The following NXPE4 variants were observed in gnomAD, a reference collection of about 807,000 sequenced individuals.
NXPE4 encodes NXPE family member 4.
Under a neutral mutation model 33.3 loss-of-function variants are expected in NXPE4, and 42 were observed. The ratio of observed to expected loss-of-function variants is 1.26; its 90% CI spans 0.98 to 1.63. The LOEUF is 1.63. NXPE4 is among the 40% of genes most tolerant of loss of function. NXPE4 has a pLI of 0.00. For missense variants in NXPE4, 709 were observed against 647.6 expected, an observed-to-expected ratio of 1.09 and a Z score of -1.03; for synonymous variants, 253 against 234.9, an observed-to-expected ratio of 1.08 and a Z score of -0.71.
chr11:114,628,737 G>GT, the NXPE4 span, among the ~76,000 whole-genome samples: 1 of 151,418 alleles, frequency 6.6e-6, no homozygotes, highest in Admixed American at 6.6e-5. Context: ...CCAGGAGCTG[G>GT]TTTTTTGAAA....
In NXPE4 at chr11:114,581,904, C is replaced by G. The variant is rs1591337568; in HGVS notation, c.831-118G>C. ...AGAGATAAGTCAATTATTATGCCTACAGTTTCAGGCCATTTAGTAAATTTC... is the reference window on the plus strand; with the variant it reads ...AGAGATAAGTCAATTATTATGCCTAGAGTTTCAGGCCATTTAGTAAATTTC... On this transcript the variant is annotated intron_variant, in intron 3 of 5. Transcript: ENST00000375478. 10 of 703,794 alleles carry G rather than the reference C, an allele frequency of 1.4e-5. No homozygotes were observed. The East Asian group carries it at 2.7e-4, about 19-fold the overall frequency. 43.6% of individuals were successfully genotyped at this position (703,794 alleles called of 1,614,324 possible).
chr11:114,580,790 C>T (rs1478448413), intron 4 of NXPE4, among the ~76,000 whole-genome samples: 7 of 152,098 alleles, frequency 4.6e-5, no homozygotes, highest in Admixed American at 3.9e-4. Context: ...ATATTAACAA[C>T]TAGTTTGGCT....
chr11:114,648,346 C>A, the NXPE4 span, among the ~76,000 whole-genome samples: 865 of 152,224 alleles, frequency 5.7e-3, 4 homozygotes, highest in Non-Finnish European at 9.6e-3. Context: ...TGGTTCTACT[C>A]TGAAAACAGG....
the NXPE4 span, among the ~76,000 whole-genome samples, chr11:114,631,614 G>A: frequency 1.3e-5 from 2 of 151,892 alleles, no homozygotes; most frequent in Non-Finnish European, 2.9e-5. Context: ...CATGGCACAT[G>A]TATACATATG....
the NXPE4 span, among the ~76,000 whole-genome samples, chr11:114,652,979 T>G: frequency 6.6e-6 from 1 of 152,194 alleles, no homozygotes; most frequent in Non-Finnish European, 1.5e-5. Context: ...AAAAGATGAC[T>G]GTGAGAAGCA....
upstream of NXPE4, among the ~76,000 whole-genome samples, chr11:114,597,899 C>G (rs1398306670): frequency 6.6e-6 from 1 of 152,050 alleles, no homozygotes; most frequent in Non-Finnish European, 1.5e-5. Context: ...TCTCACATTT[C>G]AAAATACAAT....
rs1322421108 is a variant in NXPE4 at position 114,580,189 on chromosome 11, G to C, written c.1042C>G (p.Leu348Val). The C allele has an allele frequency of 6.2e-7, 1 of 1,613,882 alleles. No homozygotes were observed. Among genetic ancestry groups the C allele is most frequent in the Non-Finnish European group, 8.5e-7 (1 of 1,179,932 alleles). ...KECLRGKLIY[L>V]MGDSTIRQWM... ...TGGCGGATCGTGGAATCTCCCATTA[G>C]GTATATGAGTTTTCCTCTCAGGCAT... Residue 348 changes from leucine (L) to valine (V), a missense_variant, in exon 5 of 6, where the codon CTA (leucine) becomes GTA (valine). Transcript: ENST00000375478.
At chr11:114,624,105 T>A in the NXPE4 span, among the ~76,000 whole-genome samples, 61 of 151,536 alleles carry the variant, frequency 4.0e-4, 1 homozygote, top group East Asian at 3.9e-4. Flanking sequence ...ATAGGTTTTA[T>A]GTCGTGGGTA....
chr11:114,633,548 T>G, the NXPE4 span, among the ~76,000 whole-genome samples: 1 of 151,486 alleles, frequency 6.6e-6, no homozygotes, highest in East Asian at 1.9e-4. Context: ...GTGCCATGCT[T>G]GTGTGCTGCA....
At chr11:114,571,890 G>A (rs544793804) in intron 5 of NXPE4, among the ~76,000 whole-genome samples, 1 of 152,350 alleles carries the variant, frequency 6.6e-6, no homozygotes, top group East Asian at 1.9e-4. Context: ...CTGCCTGTAG[G>A]ACAGCAGCTG....
the NXPE4 span, among the ~76,000 whole-genome samples, chr11:114,601,977 TTA>T: frequency 1.1e-5 from 1 of 87,852 alleles, no homozygotes; most frequent in African/African-American, 4.6e-5. Flanking sequence ...ATATATTCTG[TTA>T]TATATAATAT....
At chr11:114,650,794 T>C in the NXPE4 span, among the ~76,000 whole-genome samples, 4 of 152,092 alleles carry the variant, frequency 2.6e-5, no homozygotes, top group African/African-American at 9.6e-5. Flanking sequence ...AAAGACTCTC[T>C]CTAAGTTCCA....
At chr11:114,654,344 T>A in the NXPE4 span, among the ~76,000 whole-genome samples, 2 of 149,880 alleles carry the variant, frequency 1.3e-5, no homozygotes, top group Non-Finnish European at 3.0e-5. Flanking sequence ...TCCCAACTAT[T>A]TTTTTTTTAT....
the NXPE4 span, among the ~76,000 whole-genome samples, chr11:114,608,968 G>C: frequency 2.0e-5 from 3 of 149,882 alleles, no homozygotes; most frequent in Non-Finnish European, 4.4e-5. Flanking sequence ...GAAAATAAGT[G>C]TTGCCTCGTG....
chr11:114,626,646 C>G, the NXPE4 span, among the ~76,000 whole-genome samples: 2 of 152,182 alleles, frequency 1.3e-5, no homozygotes, highest in Admixed American at 1.3e-4. Flanking sequence ...CAGTTCCTCA[C>G]CAGCAACAGA....
At chr11:114,638,586 C>G in the NXPE4 span, among the ~76,000 whole-genome samples, 2 of 151,950 alleles carry the variant, frequency 1.3e-5, no homozygotes, top group Non-Finnish European at 2.9e-5. Flanking sequence ...TTTTCCCCAT[C>G]TTTGTGGTTT....
chr11:114,603,364 C>T, the NXPE4 span, among the ~76,000 whole-genome samples: 60 of 119,344 alleles, frequency 5.0e-4, no homozygotes, highest in Non-Finnish European at 7.8e-4. Context: ...TATTACCTGA[C>T]GGATGATAAG....
the NXPE4 span, among the ~76,000 whole-genome samples, chr11:114,609,395 C>T: frequency 3.3e-5 from 5 of 151,900 alleles, no homozygotes; most frequent in Admixed American, 1.3e-4. Flanking sequence ...AGTATTGCAT[C>T]GCTGGTAACC....
the NXPE4 span, among the ~76,000 whole-genome samples, chr11:114,611,127 C>T: frequency 6.7e-6 from 1 of 148,184 alleles, no homozygotes; most frequent in East Asian, 2.1e-4. Context: ...GTTAGTATTG[C>T]CTCATGGGTC....
Sources: gnomAD v4.1 joint callset for allele counts (sites outside exome capture counted in the v4.1 genomes callset) on GRCh38, gnomAD v4.1.1 for gene constraint, MANE v1.5 for transcripts, NCBI Gene and HGNC (gene_info 2026-07-23, HGNC 2026-07-21) for gene names.